GREM2: variants seen among roughly 807,000 people sequenced by gnomAD.
GREM2 encodes the protein gremlin 2, DAN family BMP antagonist, also known as gremlin-2.
Under a neutral mutation model 14.2 loss-of-function variants are expected in GREM2, and 11 were observed. That is an observed-to-expected ratio of 0.78 (90% CI 0.49 to 1.28). The LOEUF is 1.28. Among genes scored for constraint, GREM2 ranks in the 50% most tolerant of loss-of-function variants. The pLI is 0.00. For missense variants in GREM2, 210 were observed against 218.5 expected, an observed-to-expected ratio of 0.96 and a Z score of 0.24; for synonymous variants, 98 against 97.6, an observed-to-expected ratio of 1.00 and a Z score of -0.02.
At chr1:240,598,876 T>A (rs954110582) in intron 1 of GREM2, among the ~76,000 whole-genome samples, 4 of 152,184 alleles carry the variant, frequency 2.6e-5, no homozygotes, top group African/African-American at 9.6e-5. Flanking sequence ...CTGACTTTCA[T>A]AGTGCTCTCA....
intron 1 of GREM2, among the ~76,000 whole-genome samples, chr1:240,593,037 G>A (rs1044755833): frequency 1.2e-4 from 18 of 151,784 alleles, no homozygotes; most frequent in Middle Eastern, 3.5e-3. Context: ...CTAGCTACTC[G>A]GGAGGCTGAG....
chr1:240,578,942 T>C (rs899981833), intron 1 of GREM2, among the ~76,000 whole-genome samples: 13 of 152,192 alleles, frequency 8.5e-5, no homozygotes, highest in African/African-American at 2.9e-4. Context: ...TCTGATACTC[T>C]GCCTTATGAG....
At chr1:240,532,663 A>AGATAGAT (rs1048642471) in intron 1 of GREM2, among the ~76,000 whole-genome samples, 3 of 134,310 alleles carry the variant, frequency 2.2e-5, no homozygotes, top group African/African-American at 1.1e-4. Flanking sequence ...ATAGATAGAT[A>AGATAGAT]GATAGATAGA....
chr1:240,532,662 T>C (rs557219580), intron 1 of GREM2, among the ~76,000 whole-genome samples: 5 of 138,332 alleles, frequency 3.6e-5, no homozygotes, highest in Non-Finnish European at 7.4e-5. Flanking sequence ...GATAGATAGA[T>C]AGATAGATAG....
chr1:240,489,735 A>C lies in GREM2; in HGVS notation c.*3234T>G, dbSNP rs1270885968. 1 of 152,236 alleles carries C rather than the reference A, an allele frequency of 6.6e-6. No individual in the cohort carries two copies. The highest frequency in any genetic ancestry group is 2.4e-5 in the African/African-American group (1 of 41,464). The allele number at this position is 152,236 out of a possible 1,614,324, so 9.4% of individuals were successfully genotyped here. ...GTGGTGATAGGTCAATCATTAAATA[A>C]GCCTTCTGGGAATATATACATTCTA... On this transcript the variant is annotated 3_prime_UTR_variant, in exon 2 of 2. Transcript: ENST00000318160.
chr1:240,523,479 C>G (rs1238944076), intron 1 of GREM2, among the ~76,000 whole-genome samples: 1 of 152,150 alleles, frequency 6.6e-6, no homozygotes, highest in Admixed American at 6.5e-5. Context: ...CCCCAAATGT[C>G]CTTTGGGGAG....
chr1:240,560,601 C>A (rs1679019643), intron 1 of GREM2, among the ~76,000 whole-genome samples: 1 of 152,112 alleles, frequency 6.6e-6, no homozygotes, highest in South Asian at 2.1e-4. Flanking sequence ...AAAAACAAGG[C>A]AAGAGGTGAA....
At chr1:240,503,603 C>T (rs762717688) in intron 1 of GREM2, among the ~76,000 whole-genome samples, 1 of 152,146 alleles carries the variant, frequency 6.6e-6, no homozygotes, top group Non-Finnish European at 1.5e-5. Flanking sequence ...ATCCCTTTAC[C>T]TTACACCTTA....
chr1:240,585,757 GAGAA>G (rs1679587487), intron 1 of GREM2, among the ~76,000 whole-genome samples: 8 of 121,440 alleles, frequency 6.6e-5, no homozygotes, highest in East Asian at 5.2e-4. Flanking sequence ...AAAAAAAAAA[GAGAA>G]AGAAAGTTCC....
intron 1 of GREM2, among the ~76,000 whole-genome samples, chr1:240,585,627 G>A (rs1679582736): frequency 6.6e-6 from 1 of 150,904 alleles, no homozygotes; most frequent in South Asian, 2.1e-4. Flanking sequence ...CTACTCAGGA[G>A]GCTGAGGCAG....
intron 1 of GREM2, among the ~76,000 whole-genome samples, chr1:240,590,285 A>G (rs1218335044): frequency 6.6e-6 from 1 of 152,116 alleles, no homozygotes; most frequent in East Asian, 1.9e-4. Context: ...TAGTATCTCG[A>G]TAGCTTGCCA....
chr1:240,505,644 A>G (rs1677659937), intron 1 of GREM2, among the ~76,000 whole-genome samples: 1 of 151,986 alleles, frequency 6.6e-6, no homozygotes, highest in Non-Finnish European at 1.5e-5. Flanking sequence ...TAATCAATCC[A>G]AAGAGCCAAA....
chr1:240,526,504 G>A (rs558406004), intron 1 of GREM2, among the ~76,000 whole-genome samples: 106 of 152,242 alleles, frequency 7.0e-4, no homozygotes, highest in African/African-American at 2.0e-3. Context: ...ATCCAGTAGA[G>A]CCCTGGTGCA....
intron 1 of GREM2, among the ~76,000 whole-genome samples, chr1:240,593,005 A>G (rs1679740848): frequency 6.6e-6 from 1 of 151,494 alleles, no homozygotes; most frequent in African/African-American, 2.4e-5. Flanking sequence ...ATTAGCCGGC[A>G]TGGTAGTGGG....
In GREM2 at chr1:240,493,374, G is replaced by C. The variant is rs1677313873; in HGVS notation, c.102C>G (p.Tyr34Ter). 1.9e-6 allele frequency: 3 copies of C among 1,613,776 alleles called. No individual in the cohort carries two copies. Among genetic ancestry groups the C allele is most frequent in the Admixed American group, 3.3e-5 (2 of 60,008 alleles). Residue 34 changes from tyrosine (Y) to a stop codon, truncating the protein, a stop_gained, in exon 2 of 2, where the codon TAC becomes TAG. Transcript: ENST00000318160. LOFTEE classifies it high-confidence loss of function. Reference protein sequence around the residue: ...NRPAGAIPSPYKDGSSNNSER... With the variant: ...NRPAGAIPSP Reference sequence around the variant, plus strand: ...CCGAGTTGTTGCTGCTGCCGTCCTTGTAAGGCGAGGGGATGGCGCCCGCCG... The same window carrying C: ...CCGAGTTGTTGCTGCTGCCGTCCTTCTAAGGCGAGGGGATGGCGCCCGCCG...
intron 1 of GREM2, among the ~76,000 whole-genome samples, chr1:240,563,116 T>C (rs573970637): frequency 6.6e-6 from 1 of 150,518 alleles, no homozygotes; most frequent in East Asian, 2.0e-4. Context: ...TATGTGTGTA[T>C]ATGTGAGTGT....
chr1:240,587,456 A>G (rs1485944175), intron 1 of GREM2, among the ~76,000 whole-genome samples: 2 of 151,524 alleles, frequency 1.3e-5, no homozygotes, highest in East Asian at 3.9e-4. Flanking sequence ...CACGTAGCTG[A>G]GGCTACAAGC....
chr1:240,591,541 G>A (rs183621690), intron 1 of GREM2, among the ~76,000 whole-genome samples: 123 of 152,210 alleles, frequency 8.1e-4, no homozygotes, highest in Non-Finnish European at 1.4e-3. Context: ...ACGTTTTGGC[G>A]GAATTTCCTC....
chr1:240,517,027 G>A (rs1677972092), intron 1 of GREM2, among the ~76,000 whole-genome samples: 1 of 152,098 alleles, frequency 6.6e-6, no homozygotes, highest in Non-Finnish European at 1.5e-5. Context: ...TCTATAAACT[G>A]GGGAAAACAA....
Sources: allele counts gnomAD v4.1 joint callset (sites outside exome capture counted in the v4.1 genomes callset), GRCh38; gene constraint gnomAD v4.1.1; transcripts MANE v1.5; gene names NCBI Gene and HGNC (gene_info 2026-07-23, HGNC 2026-07-21).